Variants in ARHGEF11 observed in about 807,000 individuals in gnomAD.
ARHGEF11 encodes the protein Rho guanine nucleotide exchange factor 11, also known as Rho guanine exchange factor (GEF) 11.
Under a neutral mutation model 193.7 loss-of-function variants are expected in ARHGEF11, and 55 were observed. That is an observed-to-expected ratio of 0.28 (90% confidence interval 0.23 to 0.36). The LOEUF (loss-of-function observed/expected upper bound fraction) is 0.36, where lower values mean the gene tolerates loss of function less well. ARHGEF11 is among the 10% of genes least tolerant of loss of function. The probability of loss-of-function intolerance (pLI) is 1.00; values close to 1 mark genes in which losing one functional copy is unlikely to be tolerated. For synonymous variants in ARHGEF11, 693 were observed against 768.0 expected (o/e 0.90, Z 1.62); for missense variants, 1,723 against 2,005.6 (o/e 0.86, Z 2.69).
At position 156,971,739 on chromosome 1, in the gene ARHGEF11, A is replaced by G. The variant is rs1365738765; in HGVS notation, c.660T>C (p.Thr220=). Residue 220 remains threonine (T), a synonymous_variant, in exon 8 of 41, where the codon ACT becomes ACC. Transcript: ENST00000368194. The part of the protein sequence containing the change: ...EQIEGARRRV[T]QLQLKIQQET... ...CCTGCTGGATCTTCAGCTGTAACTG[A>G]GTGACTCGCCGCCGGGCACCTTCGA... 11 of 1,613,834 alleles carry G rather than the reference A, an allele frequency of 6.8e-6. No homozygotes were observed. Among genetic ancestry groups the G allele is most frequent in the Non-Finnish European group, 9.3e-6 (11 of 1,180,004 alleles).
chr1:156,957,482 G>A (rs774252395), intron 18 of ARHGEF11, among the ~76,000 whole-genome samples: 1 of 152,154 alleles, frequency 6.6e-6, no homozygotes, highest in Non-Finnish European at 1.5e-5. Flanking sequence ...GAGAGACAAA[G>A]GGCTCATCTG....
At chr1:157,008,282 T>C (rs1247549276) in intron 1 of ARHGEF11, among the ~76,000 whole-genome samples, 1 of 152,072 alleles carries the variant, frequency 6.6e-6, no homozygotes, top group Non-Finnish European at 1.5e-5. Flanking sequence ...TACCCTCCAA[T>C]GTGATGGCAT....
intron 29 of ARHGEF11, chr1:156,945,408 T>C (rs1657933049): frequency 3.5e-6 from 2 of 567,350 alleles, no homozygotes; most frequent in Non-Finnish European, 6.2e-6. Flanking sequence ...GATCACTGCT[T>C]TGAAGACGCT....
intron 1 of ARHGEF11, among the ~76,000 whole-genome samples, chr1:157,043,888 G>C (rs1452143454): frequency 6.6e-6 from 1 of 152,072 alleles, no homozygotes; most frequent in African/African-American, 2.4e-5. Flanking sequence ...GGAGGCCCAC[G>C]CCTCTGCCAG....
At chr1:157,001,069 C>G (rs943887879) in intron 1 of ARHGEF11, among the ~76,000 whole-genome samples, 1 of 152,164 alleles carries the variant, frequency 6.6e-6, no homozygotes, top group Non-Finnish European at 1.5e-5. Flanking sequence ...AATGAACTCT[C>G]GAATGATGAC....
intron 37 of ARHGEF11, 92 bp downstream of exon 37, chr1:156,939,456 G>C: frequency 6.4e-7 from 1 of 1,564,876 alleles, no homozygotes; most frequent in Non-Finnish European, 8.7e-7. Context: ...CGGTACCCAG[G>C]GGGAGTATAG....
At chr1:156,992,679 T>G (rs1401346508) in intron 1 of ARHGEF11, among the ~76,000 whole-genome samples, 1 of 152,172 alleles carries the variant, frequency 6.6e-6, no homozygotes, top group Non-Finnish European at 1.5e-5. Context: ...TGACTTCTCT[T>G]GAAAGGTCAG....
intron 1 of ARHGEF11, among the ~76,000 whole-genome samples, chr1:157,035,788 A>G: frequency 8.2e-6 from 1 of 121,710 alleles, no homozygotes; most frequent in Admixed American, 7.9e-5. Context: ...ATATATATAT[A>G]TAGGAATATA....
chr1:157,001,991 T>C (rs1378165547), intron 1 of ARHGEF11, among the ~76,000 whole-genome samples: 6 of 152,214 alleles, frequency 3.9e-5, no homozygotes, highest in Non-Finnish European at 8.8e-5. Context: ...GTCTTAGTTC[T>C]AGGCCTTATA....
Position 156,938,324 on chromosome 1 carries a change from G to T in ARHGEF11, c.4192+94C>A, listed in dbSNP as rs1655958519. On this transcript the variant is annotated intron_variant, in intron 38 of 40. Coordinates refer to ENST00000368194, the MANE Select transcript of ARHGEF11 (RefSeq NM_198236.3). ...CAGGCAGCTGAGGGAGCTTGTGGGTGTGTGTGTGACCATGGGCAGGGGTCC... is the reference window on the plus strand; with the variant it reads ...CAGGCAGCTGAGGGAGCTTGTGGGTTTGTGTGTGACCATGGGCAGGGGTCC... 9.6e-6 allele frequency: 11 copies of T among 1,148,514 alleles called. No individual in the cohort carries two copies. In the South Asian group the frequency reaches 1.6e-4, roughly 17 times the overall value. The allele number at this position is 1,148,514 out of a possible 1,614,324, so 71.1% of individuals were successfully genotyped here.
chr1:157,021,433 C>T (rs1350436254), intron 1 of ARHGEF11, among the ~76,000 whole-genome samples: 1 of 152,154 alleles, frequency 6.6e-6, no homozygotes, highest in Non-Finnish European at 1.5e-5. Context: ...TAATAACCAT[C>T]AAGGATGTAA....
intron 27 of ARHGEF11, 27 bp from the exon 28 acceptor site, chr1:156,946,814 C>T: frequency 6.2e-7 from 1 of 1,613,580 alleles, no homozygotes; most frequent in Non-Finnish European, 8.5e-7. Context: ...GACACGGGGC[C>T]AGGCATCAAA....
At chr1:156,938,737 C>A (rs1656088764) in intron 37 of ARHGEF11, 1 of 498,070 alleles carries the variant, frequency 2.0e-6, no homozygotes. Flanking sequence ...TCCCAGAAAC[C>A]CAGGAGACAG....
chr1:157,002,566 C>A (rs1428882298), intron 1 of ARHGEF11, among the ~76,000 whole-genome samples: 1 of 152,140 alleles, frequency 6.6e-6, no homozygotes. Flanking sequence ...CATTTTGAGT[C>A]CATACTATGC....
chr1:156,991,991 C>G (rs1256606316), intron 1 of ARHGEF11, among the ~76,000 whole-genome samples: 2 of 152,146 alleles, frequency 1.3e-5, no homozygotes, highest in Non-Finnish European at 2.9e-5. Flanking sequence ...GCTGGGATTA[C>G]AGGCGTGAGC....
intron 1 of ARHGEF11, among the ~76,000 whole-genome samples, chr1:157,004,581 C>T (rs372483286): frequency 2.6e-5 from 4 of 152,258 alleles, no homozygotes; most frequent in Middle Eastern, 3.4e-3. Context: ...ACTGCATAGC[C>T]GAGAGAGATG....
Position 156,939,595 on chromosome 1 carries a change from T to C in ARHGEF11, c.4049A>G (p.Asp1350Gly), listed in dbSNP as rs1212636517. The change falls in exon 37 of 41, where the codon GAT becomes GGT. Residue 1350 changes from aspartate (D) to glycine (G), a missense_variant. By Grantham distance (94) the Asp-to-Gly change is moderately conservative (BLOSUM62 -1). Around this residue, in one of 5 missense-constraint regions of ARHGEF11, gnomAD observed 360 missense variants for 344.4 expected, o/e 1.05. Transcript: ENST00000368194. ...TCCTGCTGCCTCTGTGCTTGAAGCA[T>C]CTTCAGCCAGATTCCTGTCCAGTTC... ...SPELDRNLAE[D>G]ASSTEAAGGY... 19 of 1,613,212 alleles carry C rather than the reference T, an allele frequency of 1.2e-5. No homozygotes were observed. Among genetic ancestry groups the C allele is most frequent in the Non-Finnish European group, 1.5e-5 (18 of 1,180,034 alleles).
In ARHGEF11 at chr1:156,955,810, A is replaced by G; in HGVS notation, c.1672-11T>C. On this transcript the variant is annotated splice_polypyrimidine_tract_variant and intron_variant, in intron 19 of 40. Transcript: ENST00000368194. ...CTTGGAATTGCTGCTCTGCTGAGACAGGAGACACTGGTGTTTGCAGGAGGT... is the reference window on the plus strand; with the variant it reads ...CTTGGAATTGCTGCTCTGCTGAGACGGGAGACACTGGTGTTTGCAGGAGGT... 6.2e-7 allele frequency: 1 copy of G among 1,609,606 alleles called. No individual in the cohort carries two copies. Among genetic ancestry groups the G allele is most frequent in the Admixed American group, 1.7e-5 (1 of 60,020 alleles).
Position 156,937,432 on chromosome 1 carries a change from T to C in ARHGEF11, c.4257A>G (p.Ala1419=), listed in dbSNP as rs1655696877. 6.4e-7 allele frequency: 1 copy of C among 1,571,244 alleles called. No homozygotes were observed. The highest frequency in any genetic ancestry group is 1.2e-5 in the South Asian group (1 of 83,276). ...PPDSSTDHSE[A]PMSPPQPDSL... ...TGTCAGGCTGAGGGGGGCTCATGGG[T>C]GCCTCTGAGTGGTCGGTGCTTGAGT... Residue 1419 remains alanine (A), a synonymous_variant, in exon 39 of 41, where the codon GCA becomes GCG. Transcript: ENST00000368194.
Sources: gnomAD v4.1 joint callset for allele counts (sites outside exome capture counted in the v4.1 genomes callset) on GRCh38, gnomAD v4.1.1 for gene constraint, gnomAD v4.1.1 regional missense constraint, MANE v1.5 for transcripts, NCBI Gene and HGNC (gene_info 2026-07-23, HGNC 2026-07-21) for gene names.